The following STK10 variants were observed in gnomAD, a reference collection of about 807,000 sequenced individuals.
The protein encoded by STK10 is serine/threonine-protein kinase 10.
A neutral mutation model predicts 113.8 loss-of-function variants in STK10; 78 were observed. The observed-to-expected ratio is 0.69, with a 90% CI of 0.57 to 0.83. The LOEUF is 0.83. Among genes scored for constraint, STK10 ranks in the 40% least tolerant of loss-of-function variants. The pLI is 0.00. For synonymous variants in STK10, 465 were observed against 494.7 expected (o/e 0.94, Z 0.80); for missense variants, 1,109 against 1,280.1 (o/e 0.87, Z 2.04).
At chr5:172,113,540 T>G (rs560815813) in intron 4 of STK10, among the ~76,000 whole-genome samples, 1 of 152,166 alleles carries the variant, frequency 6.6e-6, no homozygotes, top group Non-Finnish European at 1.5e-5. Context: ...TTTAAGGATA[T>G]GGAGGAATAC....
chr5:172,123,959 A>G (rs183134704), intron 3 of STK10, among the ~76,000 whole-genome samples: 20 of 152,124 alleles, frequency 1.3e-4, no homozygotes, highest in African/African-American at 4.6e-4. Context: ...ACAGGGTCTC[A>G]CTCTGTCACC....
At position 172,090,314 on chromosome 5, in the gene STK10, C is replaced by G. The variant is rs1276835691; in HGVS notation, c.1603G>C (p.Val535Leu). ...KTLKRTRKFV[V>L]DGVEVSITTS... ...GTGATGCTCACCTCCACACCATCCA[C>G]CACAAATTTGCGTGTCCGCTTGAGG... is the stretch of plus-strand genomic sequence containing the variant. Residue 535 changes from valine (V) to leucine (L), a missense_variant, in exon 10 of 19, where the codon GTG (valine) becomes CTG (leucine). Transcript: ENST00000176763. The G allele has an allele frequency of 1.2e-6, 2 of 1,613,984 alleles. No homozygotes were observed. Among genetic ancestry groups the G allele is most frequent in the Admixed American group, 1.7e-5 (1 of 59,984 alleles).
At position 172,082,344 on chromosome 5, in the gene STK10, G is replaced by T. The variant is rs760279948; in HGVS notation, c.1971C>A (p.Leu657=). The T allele has an allele frequency of 1.9e-6, 3 of 1,574,330 alleles. No homozygotes were observed. In the African/African-American group the frequency reaches 4.1e-5, roughly 22 times the overall value. ...TACTCACCTCTTTCTTCATCAGTTTGAGCTGCTCTTGGAACCTGGTGTAGT... is the reference window on the plus strand; with the variant it reads ...TACTCACCTCTTTCTTCATCAGTTTTAGCTGCTCTTGGAACCTGGTGTAGT... ...DRDYTRFQEQ[L]KLMKKEVKNE... The change falls in exon 12 of 19, where the codon CTC becomes CTA. Residue 657 remains leucine (L), a synonymous_variant. Transcript: ENST00000176763. This position sits in a 1 kb window ranked among gnomAD's most constrained non-coding sequence, Gnocchi z 4.3.
intron 12 of STK10, among the ~76,000 whole-genome samples, chr5:172,069,450 T>C (rs1221047199): frequency 6.6e-6 from 1 of 152,178 alleles, no homozygotes; most frequent in Non-Finnish European, 1.5e-5. Flanking sequence ...ATGGGCATTA[T>C]ATAATTATAA....
At chr5:172,141,348 G>A (rs1427668573) in intron 2 of STK10, among the ~76,000 whole-genome samples, 6 of 152,032 alleles carry the variant, frequency 3.9e-5, no homozygotes, top group South Asian at 2.1e-4. Context: ...AGGCCGAGGC[G>A]GGAAGATTGC....
chr5:172,057,475 T>G lies in STK10; in HGVS notation c.2213-2A>C. The G allele has an allele frequency of 6.5e-7, 1 of 1,549,120 alleles. No individual in the cohort carries two copies. On this transcript the variant is annotated splice_acceptor_variant, in intron 14 of 18. Coordinates refer to ENST00000176763, the MANE Select transcript of STK10 (RefSeq NM_005990.4). LOFTEE classifies it high-confidence loss of function. ...TCTCCCACAGGGCTGCTTCCCGGTC[T>G]GCAGAGGACATGCCACCGAGCTGGT... is the stretch of plus-strand genomic sequence containing the variant.
rs150319153 is a variant in STK10 at position 172,150,766 on chromosome 5, T to C, written c.321+5858A>G. 2.0e-3 allele frequency among the ~76,000 whole-genome samples: 306 copies of C among 152,336 alleles called. 1 individual carries two copies. Among genetic ancestry groups the C allele is most frequent in the African/African-American group, 6.8e-3 (282 of 41,570 alleles). ...CAGCAGGCTCATCCCATCCATGCCCTGCTCTTGATCCTGGGACCAGTACTT... is the reference window on the plus strand; with the variant it reads ...CAGCAGGCTCATCCCATCCATGCCCCGCTCTTGATCCTGGGACCAGTACTT... On this transcript the variant is annotated intron_variant, in intron 2 of 18. Coordinates refer to ENST00000176763, the MANE Select transcript of STK10 (RefSeq NM_005990.4).
intron 2 of STK10, among the ~76,000 whole-genome samples, chr5:172,131,331 G>A (rs993346475): frequency 9.2e-5 from 14 of 152,188 alleles, no homozygotes; most frequent in African/African-American, 3.4e-4. Context: ...CCCGCGCCTG[G>A]CCTGTCATCA....
At chr5:172,126,162 A>G (rs928914084) in intron 3 of STK10, among the ~76,000 whole-genome samples, 1 of 152,156 alleles carries the variant, frequency 6.6e-6, no homozygotes, top group Non-Finnish European at 1.5e-5. Flanking sequence ...GGGTAGCATG[A>G]GCCGGGGATG....
chr5:172,095,833 G>T (rs1332948565), intron 8 of STK10, among the ~76,000 whole-genome samples: 1 of 152,230 alleles, frequency 6.6e-6, no homozygotes, highest in African/African-American at 2.4e-5. Context: ...GCCTCCCCAA[G>T]TAAGGCCAGG....
intron 2 of STK10, among the ~76,000 whole-genome samples, chr5:172,147,042 A>C (rs35128770): frequency 0.099 from 15,103 of 152,230 alleles, 816 homozygotes; most frequent in South Asian, 0.15. Context: ...GTTCCCACGA[A>C]CCCTGCTTTG....
intron 1 of STK10, among the ~76,000 whole-genome samples, chr5:172,175,545 T>G (rs1335151454): frequency 7.0e-6 from 1 of 143,198 alleles, no homozygotes; most frequent in African/African-American, 2.5e-5. Context: ...TTCCCCGCCC[T>G]GACACCCGCC....
At chr5:172,160,402 G>C (rs1306736388) in intron 1 of STK10, among the ~76,000 whole-genome samples, 3 of 151,732 alleles carry the variant, frequency 2.0e-5, no homozygotes, top group Non-Finnish European at 1.5e-5. Flanking sequence ...TTGAACCTGG[G>C]AGGTGGAGGT....
intron 12 of STK10, among the ~76,000 whole-genome samples, chr5:172,072,320 G>A (rs993908730): frequency 6.6e-6 from 1 of 151,692 alleles, no homozygotes; most frequent in Non-Finnish European, 1.5e-5. Flanking sequence ...AGGCTGGAGT[G>A]CAGTGGCGCA....
chr5:172,138,751 A>G (rs576985245), intron 2 of STK10, among the ~76,000 whole-genome samples: 24 of 152,204 alleles, frequency 1.6e-4, no homozygotes, highest in Admixed American at 9.8e-4. Flanking sequence ...GGTGGCTCAC[A>G]CCTGTAATCC....
At chr5:172,099,359 G>A (rs1403702094) in intron 7 of STK10, among the ~76,000 whole-genome samples, 1 of 152,150 alleles carries the variant, frequency 6.6e-6, no homozygotes, top group Non-Finnish European at 1.5e-5. Context: ...GGCCAACATG[G>A]TGAAACCCTG....
At chr5:172,110,919 AC>A (rs1287464241) in intron 4 of STK10, among the ~76,000 whole-genome samples, 1 of 151,422 alleles carries the variant, frequency 6.6e-6, no homozygotes, top group Admixed American at 6.6e-5. Context: ...CTGAACTAAG[AC>A]CCCCCGGCAC....
intron 1 of STK10, among the ~76,000 whole-genome samples, chr5:172,169,917 G>C (rs528741052): frequency 1.7e-4 from 26 of 152,268 alleles, no homozygotes; most frequent in African/African-American, 6.0e-4. Context: ...AGGACACCAG[G>C]CCTTCGTTTC....
At chr5:172,147,084 G>A (rs948383413) in intron 2 of STK10, among the ~76,000 whole-genome samples, 1 of 152,222 alleles carries the variant, frequency 6.6e-6, no homozygotes, top group African/African-American at 2.4e-5. Flanking sequence ...CTGGCTCACA[G>A]AACTCATGGA....
Sources: gnomAD v4.1 joint callset for allele counts (sites outside exome capture counted in the v4.1 genomes callset) on GRCh38, gnomAD v4.1.1 for gene constraint, Gnocchi (gnomAD v3.1) non-coding constraint, MANE v1.5 for transcripts, NCBI Gene and HGNC (gene_info 2026-07-23, HGNC 2026-07-21) for gene names.